The following ZFP28 variants were observed in gnomAD, a reference collection of about 807,000 sequenced individuals.
ZFP28 encodes the protein ZFP28 zinc finger protein.
ZFP28 carries 31 observed loss-of-function variants against 39.5 expected under a neutral mutation model. The ratio of observed to expected loss-of-function variants is 0.79; its 90% CI spans 0.59 to 1.06. The LOEUF (loss-of-function observed/expected upper bound fraction) is 1.06. Ranked by LOEUF, ZFP28 falls within the 50% of genes least tolerant of loss-of-function variation. The pLI is 0.00. For missense variants in ZFP28, 925 were observed against 1,048.4 expected, an observed-to-expected ratio of 0.88 and a Z score of 1.63; for synonymous variants, 400 against 378.6, an observed-to-expected ratio of 1.06 and a Z score of -0.66.
chr19:56,549,014 G>C lies in ZFP28; in HGVS notation c.580G>C (p.Gly194Arg). The change falls in exon 5 of 8, where the codon GGA becomes CGA. Residue 194 changes from glycine to arginine, a missense_variant. Gly to Arg is a moderately radical substitution (Grantham distance 125). Around this residue, in one of 2 missense-constraint regions of ZFP28, gnomAD observed 556 missense variants for 542.9 expected, o/e 1.02. Transcript: ENST00000301318. ...ELPLKKDFCE[G>R]KLSQAVITER... The stretch of plus-strand genomic sequence containing the variant: ...ACCTCTCAAGAAGGACTTCTGCGAA[G>C]GAAAGCTATCCCAGGCAGTGATAAC... 12 of 1,614,116 alleles carry C rather than the reference G, an allele frequency of 7.4e-6. No homozygotes were observed. The highest frequency in any genetic ancestry group is 9.3e-6 in the Non-Finnish European group (11 of 1,180,014).
chr19:56,547,422 G>A lies in ZFP28; in HGVS notation c.301-86G>A. On this transcript the variant is annotated intron_variant, in intron 2 of 7. Coordinates refer to ENST00000301318, the MANE Select transcript of ZFP28 (RefSeq NM_020828.2). The surrounding 1 kb of genome is among the most constrained non-coding windows in gnomAD (Gnocchi z 4.6). The stretch of plus-strand genomic sequence containing the variant: ...GGAGTTTAATGTAGGAGTTTTGTCA[G>A]GGGACACATTTCTTTCTATAACAAA... The A allele has an allele frequency of 1.3e-6, 2 of 1,594,808 alleles. No homozygotes were observed. The highest frequency in any genetic ancestry group is 1.7e-6 in the Non-Finnish European group (2 of 1,167,584).
In ZFP28 at chr19:56,539,039, G is replaced by C. The variant is rs1335949047; in HGVS notation, c.21G>C (p.Ala7=). Reference sequence around the variant, plus strand: ...GTGACATGCGGGGGGCGGCGAGCGCGAGTGTCCGCGAGCCGACGCCGCTCC... The same window carrying C: ...GTGACATGCGGGGGGCGGCGAGCGCCAGTGTCCGCGAGCCGACGCCGCTCC... The part of the protein sequence containing the change: MRGAAS[A]SVREPTPLPG... The change falls in exon 1 of 8, where the codon GCG becomes GCC. Residue 7 remains alanine (A), a synonymous_variant. Coordinates refer to ENST00000301318, the MANE Select transcript of ZFP28 (RefSeq NM_020828.2). 5 of 1,466,010 alleles carry C rather than the reference G, an allele frequency of 3.4e-6. No individual in the cohort carries two copies. The highest frequency in any genetic ancestry group is 4.5e-6 in the Non-Finnish European group (5 of 1,115,448). The allele number at this position is 1,466,010 out of a possible 1,614,324, so 90.8% of individuals were successfully genotyped here.
Position 56,539,096 on chromosome 19 carries a change from G to T in ZFP28, c.78G>T (p.Arg26=). ...PGRGAPRTKP[R]AGRGPTVGTP... Reference sequence around the variant, plus strand: ...GAGGCGCCCCCCGCACAAAGCCCCGGGCGGGCCGAGGCCCGACTGTAGGGA... The same window carrying T: ...GAGGCGCCCCCCGCACAAAGCCCCGTGCGGGCCGAGGCCCGACTGTAGGGA... The change falls in exon 1 of 8, where the codon CGG becomes CGT. Residue 26 remains arginine, a synonymous_variant. Coordinates refer to ENST00000301318, the MANE Select transcript of ZFP28 (RefSeq NM_020828.2). The T allele has an allele frequency of 6.5e-7, 1 of 1,545,452 alleles. No individual in the cohort carries two copies. The highest frequency in any genetic ancestry group is 8.7e-7 in the Non-Finnish European group (1 of 1,151,502).
At chr19:56,551,488 T>C in intron 7 of ZFP28, 1 of 985,016 alleles carries the variant, frequency 1.0e-6, no homozygotes, top group Non-Finnish European at 1.2e-6. Flanking sequence ...CTCACTTAGG[T>C]TGCTTTACAT....
Position 56,547,665 on chromosome 19 carries a change from C to G in ZFP28, c.427+31C>G, listed in dbSNP as rs1332445674. On this transcript the variant is annotated intron_variant, in intron 3 of 7. Transcript: ENST00000301318. This position sits in a 1 kb window ranked among gnomAD's most constrained non-coding sequence, Gnocchi z 4.6. ...GGCTCCCACCCCTTTTCCCACCCCT[C>G]ACCCTACCCACGTCCTGGACTAAGA... is the stretch of plus-strand genomic sequence containing the variant. 2 of 1,591,528 alleles carry G rather than the reference C, an allele frequency of 1.3e-6. No homozygotes were observed. The highest frequency in any genetic ancestry group is 2.3e-5 in the South Asian group (2 of 86,754).
chr19:56,551,706 T>C, intron 7 of ZFP28: 1 of 984,692 alleles, frequency 1.0e-6, no homozygotes, highest in South Asian at 4.7e-5. Context: ...GCTCATTATT[T>C]GTTGAAAGAT....
rs2044350279 is a variant in ZFP28 at position 56,556,240 on chromosome 19, T to C, written c.*848T>C. The C allele has an allele frequency of 6.6e-6, 1 of 152,234 alleles. No individual in the cohort carries two copies. Among genetic ancestry groups the C allele is most frequent in the Admixed American group, 6.5e-5 (1 of 15,286 alleles). The allele number at this position is 152,234 out of a possible 1,614,324, so 9.4% of individuals were successfully genotyped here. On this transcript the variant is annotated 3_prime_UTR_variant, in exon 8 of 8. Coordinates refer to ENST00000301318, the MANE Select transcript of ZFP28 (RefSeq NM_020828.2). ...TTCAACATGAAAATTATATGAAATT[T>C]AAGTTTTGGTGTCTGTAAATAAAGT...
In ZFP28 at chr19:56,547,163, G is replaced by C; in HGVS notation, c.301-345G>C. 4.5e-6 allele frequency: 1 copy of C among 223,636 alleles called. No individual in the cohort carries two copies. 13.9% of individuals were successfully genotyped at this position (223,636 alleles called of 1,614,324 possible). On this transcript the variant is annotated intron_variant, in intron 2 of 7. Coordinates refer to ENST00000301318, the MANE Select transcript of ZFP28 (RefSeq NM_020828.2). The surrounding 1 kb of genome is among the most constrained non-coding windows in gnomAD (Gnocchi z 4.6). ...CTGGAAGTCCAAGATCAAGGTGCCT[G>C]CAGGTTTGGTTTCACCTGAGGCCTC...
At chr19:56,550,429 T>C in intron 6 of ZFP28, 81 bp from the exon 7 acceptor site, 1 of 1,261,016 alleles carries the variant, frequency 7.9e-7, no homozygotes, top group Non-Finnish European at 1.1e-6. Flanking sequence ...GCAGTAACAC[T>C]TTTCTATCAA....
At chr19:56,542,906 T>C (rs934642518) in intron 2 of ZFP28, among the ~76,000 whole-genome samples, 2 of 151,916 alleles carry the variant, frequency 1.3e-5, no homozygotes, top group Non-Finnish European at 2.9e-5. Context: ...GCTGGAATTG[T>C]AGGTGTGAGC....
intron 7 of ZFP28, chr19:56,552,745 G>A (rs1397519165): frequency 2.0e-5 from 3 of 152,038 alleles, no homozygotes; most frequent in Non-Finnish European, 2.9e-5. Context: ...ATGAATAGAT[G>A]TATAGTCCCA....
Position 56,549,343 on chromosome 19 carries a change from G to T in ZFP28, c.687+222G>T, listed in dbSNP as rs183690264. 5.4e-3 allele frequency among the ~76,000 whole-genome samples: 823 copies of T among 152,302 alleles called. 3 individuals are homozygous for T. The highest frequency in any genetic ancestry group is 9.5e-3 in the Non-Finnish European group (644 of 68,022). ...GTTGTAATGAATTACAAACAAATCT[G>T]TCAAGGTCAGAAATGTTTGACTTGT... On this transcript the variant is annotated intron_variant, in intron 5 of 7. Transcript: ENST00000301318.
chr19:56,547,240 T>C lies in ZFP28; in HGVS notation c.301-268T>C. The stretch of plus-strand genomic sequence containing the variant: ...TCTCTCTGTGTCCTCACGTGGTCTT[T>C]TCCCTGTGCCTGCACACCGTGGTAT... On this transcript the variant is annotated intron_variant, in intron 2 of 7. Coordinates refer to ENST00000301318, the MANE Select transcript of ZFP28 (RefSeq NM_020828.2). The surrounding 1 kb of genome is among the most constrained non-coding windows in gnomAD (Gnocchi z 4.6). 2.4e-6 allele frequency: 1 copy of C among 411,654 alleles called. No individual in the cohort carries two copies. Among genetic ancestry groups the C allele is most frequent in the Non-Finnish European group, 4.3e-6 (1 of 230,652 alleles). The allele number at this position is 411,654 out of a possible 1,614,324, so 25.5% of individuals were successfully genotyped here. A position where few individuals can be genotyped will look rare whatever the true frequency, so the allele number is the denominator to read the frequency against.
chr19:56,553,009 A>C (rs964194014), intron 7 of ZFP28: 1 of 152,210 alleles, frequency 6.6e-6, no homozygotes, highest in African/African-American at 2.4e-5. Context: ...GTGATATGGT[A>C]ATTAGCTTGA....
chr19:56,547,928 T>C lies in ZFP28; in HGVS notation c.523+26T>C, dbSNP rs1258171196. 6.2e-7 allele frequency: 1 copy of C among 1,611,650 alleles called. No individual in the cohort carries two copies. Reference sequence around the variant, plus strand: ...GTGAGTGTGGGAGAACCAGGTAGGGTGAGGCCACTGCTGGTCATAGTTCAG... The same window carrying C: ...GTGAGTGTGGGAGAACCAGGTAGGGCGAGGCCACTGCTGGTCATAGTTCAG... On this transcript the variant is annotated intron_variant, in intron 4 of 7. Coordinates refer to ENST00000301318, the MANE Select transcript of ZFP28 (RefSeq NM_020828.2). This position sits in a 1 kb window ranked among gnomAD's most constrained non-coding sequence, Gnocchi z 4.6.
At position 56,539,642 on chromosome 19, in the gene ZFP28, A is replaced by G. The variant is rs752944451; in HGVS notation, c.226A>G (p.Thr76Ala). The change falls in exon 2 of 8, where the codon ACT becomes GCT. Residue 76 changes from threonine (T) to alanine (A), a missense_variant. Around this residue, in one of 2 missense-constraint regions of ZFP28, gnomAD observed 556 missense variants for 542.9 expected, o/e 1.02. Coordinates refer to ENST00000301318, the MANE Select transcript of ZFP28 (RefSeq NM_020828.2). ...TCTTTCAGCTCTGCCTTCCAGGGACACTGCTCTTCCCCAGGAGAGAAACAA... is the reference window on the plus strand; with the variant it reads ...TCTTTCAGCTCTGCCTTCCAGGGACGCTGCTCTTCCCCAGGAGAGAAACAA... ...PGHRALPSRD[T>A]ALPQERNKKL... 12 of 1,614,106 alleles carry G rather than the reference A, an allele frequency of 7.4e-6. No individual in the cohort carries two copies. The South Asian group carries it at 8.8e-5, about 12-fold the overall frequency.
intron 5 of ZFP28, among the ~76,000 whole-genome samples, chr19:56,549,663 C>T (rs951198429): frequency 6.6e-6 from 1 of 150,830 alleles, no homozygotes; most frequent in Non-Finnish European, 1.5e-5. Context: ...GGTGACAGAG[C>T]AAGACTCCGT....
rs142005555 is a variant in ZFP28, at chr19:56,550,179, C to G, written c.800C>G (p.Ala267Gly). Residue 267 changes from alanine to glycine, a missense_variant and splice_region_variant, in exon 6 of 8, where the codon GCA becomes GGA. Ala to Gly is a moderately conservative substitution (Grantham distance 60). Around this residue, in one of 2 missense-constraint regions of ZFP28, gnomAD observed 556 missense variants for 542.9 expected, o/e 1.02. Coordinates refer to ENST00000301318, the MANE Select transcript of ZFP28 (RefSeq NM_020828.2). ...GAGAACAACAGTGACCTGGGATCAG[C>G]AGGTAAGGATGTCCCTCTCCCATAT... ...IWENNSDLGSAGHCVAKPDLV... is the reference protein window; with the variant it reads ...IWENNSDLGSGGHCVAKPDLV... 2.5e-6 allele frequency: 4 copies of G among 1,606,656 alleles called. No individual in the cohort carries two copies. The African/African-American group carries it at 5.3e-5, about 21-fold the overall frequency.
At chr19:56,544,295 G>T (rs984138123) in intron 2 of ZFP28, among the ~76,000 whole-genome samples, 5 of 152,172 alleles carry the variant, frequency 3.3e-5, no homozygotes, top group African/African-American at 9.7e-5. Flanking sequence ...TGGCCCACCA[G>T]CTACAAATGA....
Sources: gnomAD v4.1 joint callset for allele counts (sites outside exome capture counted in the v4.1 genomes callset) on GRCh38, gnomAD v4.1.1 for gene constraint, gnomAD v4.1.1 regional missense constraint, Gnocchi (gnomAD v3.1) non-coding constraint, MANE v1.5 for transcripts, NCBI Gene and HGNC (gene_info 2026-07-23, HGNC 2026-07-21) for gene names.